Variants in CNKSR3 observed in about 807,000 individuals in gnomAD.
CNKSR3 encodes CNKSR family member 3, also known as connector enhancer of kinase suppressor of ras 3.
CNKSR3 carries 36 observed loss-of-function variants against 67.7 expected under a neutral mutation model. That is an observed-to-expected ratio of 0.53 (90% CI 0.41 to 0.70). The LOEUF (loss-of-function observed/expected upper bound fraction) is 0.70, where lower values mean the gene tolerates loss of function less well. CNKSR3 is among the 30% of genes least tolerant of loss of function. The pLI is 0.00. For missense variants in CNKSR3, 630 were observed against 695.2 expected, an observed-to-expected ratio of 0.91 and a Z score of 1.05; for synonymous variants, 281 against 271.4, an observed-to-expected ratio of 1.04 and a Z score of -0.35.
intron 1 of CNKSR3, among the ~76,000 whole-genome samples, chr6:154,494,173 C>G (rs769894106): frequency 3.3e-5 from 5 of 152,276 alleles, no homozygotes; most frequent in Admixed American, 2.0e-4. Flanking sequence ...GGGGAGGCCT[C>G]AGGAAACTTA....
intron 1 of CNKSR3, among the ~76,000 whole-genome samples, chr6:154,488,852 T>G (rs1419176672): frequency 6.6e-6 from 1 of 152,228 alleles, no homozygotes; most frequent in Non-Finnish European, 1.5e-5. Context: ...AAATGTACCT[T>G]GTTAAATTAC....
chr6:154,471,896 C>T (rs1786338149), intron 1 of CNKSR3, among the ~76,000 whole-genome samples: 1 of 152,136 alleles, frequency 6.6e-6, no homozygotes, highest in Non-Finnish European at 1.5e-5. Context: ...TTTTGATGGA[C>T]AATTCTCTAC....
chr6:154,466,365 C>G (rs1168445284), intron 1 of CNKSR3, among the ~76,000 whole-genome samples: 1 of 152,102 alleles, frequency 6.6e-6, no homozygotes, highest in Non-Finnish European at 1.5e-5. Context: ...TGTTTCACCA[C>G]AAAAACAAAA....
chr6:154,395,250 CTA>C lies in CNKSR3; in HGVS notation c.*11102_*11103del, dbSNP rs1478798960. The stretch of plus-strand genomic sequence containing the variant: ...TCCCATGTAATGAGTGAAGGGTAGT[CTA>C]TGTTTCCAGTTAATTCTACAAGAGT... On this transcript the variant is annotated 3_prime_UTR_variant, in exon 13 of 13. Coordinates refer to ENST00000607772, the MANE Select transcript of CNKSR3 (RefSeq NM_173515.4). 2.0e-5 allele frequency: 3 copies of C among 152,168 alleles called. No homozygotes were observed. The highest frequency in any genetic ancestry group is 7.2e-5 in the African/African-American group (3 of 41,432). 9.4% of individuals were successfully genotyped at this position (152,168 alleles called of 1,614,324 possible).
intron 12 of CNKSR3, among the ~76,000 whole-genome samples, chr6:154,408,603 T>A (rs924698261): frequency 6.6e-6 from 1 of 152,196 alleles, no homozygotes; most frequent in Non-Finnish European, 1.5e-5. Flanking sequence ...ACAGAGTAGA[T>A]GAGTGCCTGT....
intron 1 of CNKSR3, among the ~76,000 whole-genome samples, chr6:154,505,161 G>A (rs1460600596): frequency 6.6e-6 from 1 of 151,586 alleles, no homozygotes; most frequent in Non-Finnish European, 1.5e-5. Flanking sequence ...TCTGGACGGT[G>A]GCAGGAAGGG....
intron 1 of CNKSR3, among the ~76,000 whole-genome samples, chr6:154,457,930 C>A (rs1369485956): frequency 1.3e-5 from 2 of 152,222 alleles, no homozygotes; most frequent in African/African-American, 4.8e-5. Flanking sequence ...CAGTAAGCAC[C>A]TGTTCTGCTG....
chr6:154,450,164 C>T lies in CNKSR3; in HGVS notation c.147G>A (p.Glu49=), dbSNP rs144934493. 2 of 1,614,098 alleles carry T rather than the reference C, an allele frequency of 1.2e-6. No homozygotes were observed. The highest frequency in any genetic ancestry group is 1.7e-6 in the Non-Finnish European group (2 of 1,180,048). The change falls in exon 2 of 13, where the codon GAG becomes GAA. Residue 49 remains glutamate (E), a synonymous_variant. Coordinates refer to ENST00000607772, the MANE Select transcript of CNKSR3 (RefSeq NM_173515.4). ...GTCCAATCCGTGTGACCCCCAGCTC[C>T]TCCAGGTCCTGATGGGAAATCTGCA... The part of the protein sequence containing the change: ...QLLQISHQDL[E]ELGVTRIGHQ...
At chr6:154,464,168 C>A (rs1471859091) in intron 1 of CNKSR3, among the ~76,000 whole-genome samples, 1 of 152,126 alleles carries the variant, frequency 6.6e-6, no homozygotes, top group Non-Finnish European at 1.5e-5. Flanking sequence ...GTGCATCGTG[C>A]ATCTGATATA....
rs1488073723 is a variant in CNKSR3 at position 154,468,411 on chromosome 6, C to CAG, written c.53-18154_53-18153insCT. ...TATTTTATACACACACACACACACA[C>CAG]ACACACACACACACACACACACCAT... is the stretch of plus-strand genomic sequence containing the variant. On this transcript the variant is annotated intron_variant, in intron 1 of 12. Transcript: ENST00000607772. 6.6e-5 allele frequency among the ~76,000 whole-genome samples: 10 copies of CAG among 151,106 alleles called. 1 individual carries two copies. The highest frequency in any genetic ancestry group is 4.2e-4 in the South Asian group (2 of 4,774).
rs564980622 is a variant in CNKSR3 at position 154,484,329 on chromosome 6, A to C, written c.52+25734T>G. Among the ~76,000 whole-genome samples, 5 of 152,312 alleles carry C rather than the reference A, an allele frequency of 3.3e-5. No homozygotes were observed. In the East Asian group the frequency reaches 9.6e-4, roughly 29 times the overall value. The stretch of plus-strand genomic sequence containing the variant: ...AGTCAAGAAACATCTTAATATACCT[A>C]ATACGCAGGCTGTCATCCAGTTCAC... On this transcript the variant is annotated intron_variant, in intron 1 of 12. Transcript: ENST00000607772.
intron 9 of CNKSR3, among the ~76,000 whole-genome samples, chr6:154,419,025 T>A (rs1785080059): frequency 6.9e-6 from 1 of 145,252 alleles, no homozygotes. Context: ...TTGACATTAC[T>A]CTCTTGCTTT....
chr6:154,454,104 C>CAGAGAG (rs71021054), intron 1 of CNKSR3, among the ~76,000 whole-genome samples: 102 of 116,336 alleles, frequency 8.8e-4, no homozygotes, highest in Admixed American at 1.4e-3. Context: ...CACACACACA[C>CAGAGAG]AGAGAGAGAG....
intron 1 of CNKSR3, among the ~76,000 whole-genome samples, chr6:154,464,137 CA>C (rs1303469406): frequency 6.6e-6 from 1 of 152,048 alleles, no homozygotes; most frequent in Non-Finnish European, 1.5e-5. Context: ...GGTTTTGTTT[CA>C]TGCTTAATAA....
At chr6:154,460,072 G>A (rs1018063728) in intron 1 of CNKSR3, among the ~76,000 whole-genome samples, 2 of 152,184 alleles carry the variant, frequency 1.3e-5, no homozygotes, top group Non-Finnish European at 2.9e-5. Flanking sequence ...ACCCTGAGCT[G>A]CTGAAAAAAG....
chr6:154,447,264 G>T (rs1214977005), intron 2 of CNKSR3, among the ~76,000 whole-genome samples: 1 of 152,106 alleles, frequency 6.6e-6, no homozygotes, highest in East Asian at 1.9e-4. Context: ...TAGCCACATG[G>T]AGCTTCTGAG....
At chr6:154,426,346 T>TTTTA (rs71558207) in intron 7 of CNKSR3, among the ~76,000 whole-genome samples, 19,099 of 147,808 alleles carry the variant, frequency 0.13, 2,050 homozygotes, top group African/African-American at 0.29. Context: ...CATTGAACTC[T>TTTTA]TTTATTTATT....
At chr6:154,426,238 T>C (rs1231953563) in intron 7 of CNKSR3, among the ~76,000 whole-genome samples, 1 of 152,244 alleles carries the variant, frequency 6.6e-6, no homozygotes, top group Non-Finnish European at 1.5e-5. Flanking sequence ...CCCCTGAGTC[T>C]GTTAGCCAGT....
Position 154,450,169 on chromosome 6 carries a change from G to C in CNKSR3, c.142C>G (p.Leu48Val). ...EQLLQISHQDLEELGVTRIGH... is the reference protein window; with the variant it reads ...EQLLQISHQDVEELGVTRIGH... ...ATCCGTGTGACCCCCAGCTCCTCCA[G>C]GTCCTGATGGGAAATCTGCAGCAGC... Residue 48 changes from leucine (L) to valine (V), a missense_variant, in exon 2 of 13, where the codon CTG becomes GTG. By Grantham distance (32) the Leu-to-Val change is conservative. Around this residue, in one of 3 missense-constraint regions of CNKSR3, gnomAD observed 189 missense variants for 205.0 expected, o/e 0.92. Coordinates refer to ENST00000607772, the MANE Select transcript of CNKSR3 (RefSeq NM_173515.4). 1 of 1,614,160 alleles carries C rather than the reference G, an allele frequency of 6.2e-7. No individual in the cohort carries two copies.
Sources: gnomAD v4.1 joint callset for allele counts (sites outside exome capture counted in the v4.1 genomes callset) on GRCh38, gnomAD v4.1.1 for gene constraint, gnomAD v4.1.1 regional missense constraint, MANE v1.5 for transcripts, NCBI Gene and HGNC (gene_info 2026-07-23, HGNC 2026-07-21) for gene names.